Variants in ZCCHC7 observed in about 807,000 individuals in gnomAD.
ZCCHC7 encodes the protein zinc finger CCHC domain-containing protein 7.
Under a neutral mutation model 52.0 loss-of-function variants are expected in ZCCHC7, and 35 were observed. The observed-to-expected ratio is 0.67, with a 90% CI of 0.51 to 0.89. ZCCHC7 has a LOEUF of 0.89. ZCCHC7 is among the 40% of genes least tolerant of loss of function. The probability of loss-of-function intolerance (pLI) is 0.00; values close to 1 mark genes in which losing one functional copy is unlikely to be tolerated. For synonymous variants in ZCCHC7, 217 were observed against 221.5 expected (o/e 0.98, Z 0.18); for missense variants, 574 against 649.1 (o/e 0.88, Z 1.26).
At chr9:37,267,939 G>A (rs377444936) in intron 2 of ZCCHC7, among the ~76,000 whole-genome samples, 5 of 152,036 alleles carry the variant, frequency 3.3e-5, no homozygotes, top group South Asian at 4.1e-4. Flanking sequence ...TCCTGGGCTC[G>A]AGGGATCCTC....
At chr9:37,348,517 C>G (rs1363737036) in intron 6 of ZCCHC7, among the ~76,000 whole-genome samples, 1 of 151,986 alleles carries the variant, frequency 6.6e-6, no homozygotes, top group Non-Finnish European at 1.5e-5. Flanking sequence ...GTAGCTGGGA[C>G]TACAGGCACA....
chr9:37,332,584 A>G (rs1159427468), intron 6 of ZCCHC7, among the ~76,000 whole-genome samples: 5 of 151,568 alleles, frequency 3.3e-5, no homozygotes, highest in African/African-American at 9.6e-5. Context: ...TTTAGTAGGA[A>G]TGATAATTAC....
intron 2 of ZCCHC7, among the ~76,000 whole-genome samples, chr9:37,152,236 TTTTTG>T (rs1335941709): frequency 2.8e-4 from 1 of 3,630 alleles, no homozygotes; most frequent in Non-Finnish European, 1.2e-3. Context: ...TGTTTGCTGT[TTTTTG>T]TTTTTTTTTT....
At chr9:37,220,436 G>C (rs1048229138) in intron 2 of ZCCHC7, among the ~76,000 whole-genome samples, 2 of 152,258 alleles carry the variant, frequency 1.3e-5, no homozygotes, top group East Asian at 3.9e-4. Flanking sequence ...CAGCTACTTG[G>C]GAGGCTGAGG....
chr9:37,338,113 T>G (rs1159323894), intron 6 of ZCCHC7, among the ~76,000 whole-genome samples: 1 of 152,314 alleles, frequency 6.6e-6, no homozygotes, highest in African/African-American at 2.4e-5. Context: ...TGATCCTTAC[T>G]GTGTTGCGTG....
chr9:37,206,389 C>T (rs1823917267), intron 2 of ZCCHC7, among the ~76,000 whole-genome samples: 1 of 151,580 alleles, frequency 6.6e-6, no homozygotes, highest in East Asian at 1.9e-4. Context: ...GCAGGGTCTC[C>T]CTCTGTTGCC....
chr9:37,133,995 A>G (rs1389818640), intron 2 of ZCCHC7, among the ~76,000 whole-genome samples: 1 of 152,194 alleles, frequency 6.6e-6, no homozygotes. Flanking sequence ...AAGTGGTAGG[A>G]TTACAGGTGT....
intron 2 of ZCCHC7, among the ~76,000 whole-genome samples, chr9:37,194,598 G>A (rs959488278): frequency 4.6e-5 from 7 of 152,178 alleles, no homozygotes; most frequent in Non-Finnish European, 2.9e-5. Flanking sequence ...CTTAAGTGAT[G>A]TATTGATGAT....
At chr9:37,343,453 CT>C (rs1347457546) in intron 6 of ZCCHC7, among the ~76,000 whole-genome samples, 1 of 152,170 alleles carries the variant, frequency 6.6e-6, no homozygotes, top group Non-Finnish European at 1.5e-5. Flanking sequence ...GCTCTTTCAT[CT>C]ATTATCTCCG....
chr9:37,352,511 C>CTTTTTTTTTTTT lies in ZCCHC7; in HGVS notation c.1084-2186_1084-2175dup, dbSNP rs869266535. ...TACCTTTGCATAATCACAATTTGCT[C>CTTTTTTTTTTTT]TTTTTTTTTTTTTTTTTTTTTTTTG... On this transcript the variant is annotated intron_variant, in intron 7 of 8. Transcript: ENST00000336755. 7.0e-4 allele frequency among the ~76,000 whole-genome samples: 57 copies of CTTTTTTTTTTTT among 81,574 alleles called. 9 individuals carry two copies. Among genetic ancestry groups the CTTTTTTTTTTTT allele is most frequent in the African/African-American group, 3.1e-3 (55 of 17,968 alleles). 53.5% of individuals were successfully genotyped at this position (81,574 alleles called of 152,430 possible). A position where few individuals can be genotyped will look rare whatever the true frequency, so the allele number is the denominator to read the frequency against.
At chr9:37,155,171 T>C (rs1433097793) in intron 2 of ZCCHC7, among the ~76,000 whole-genome samples, 4 of 152,016 alleles carry the variant, frequency 2.6e-5, no homozygotes, top group Non-Finnish European at 4.4e-5. Context: ...CCATCCTGGC[T>C]AACACAGTGA....
At chr9:37,269,753 A>G (rs1324125815) in intron 2 of ZCCHC7, among the ~76,000 whole-genome samples, 2 of 152,118 alleles carry the variant, frequency 1.3e-5, no homozygotes, top group East Asian at 3.8e-4. Flanking sequence ...TAAAATCAAC[A>G]GAACTTGGTA....
chr9:37,270,133 T>C (rs906606736), intron 2 of ZCCHC7, among the ~76,000 whole-genome samples: 4 of 152,240 alleles, frequency 2.6e-5, no homozygotes, highest in African/African-American at 4.8e-5. Context: ...ATATTTTAGC[T>C]ATATTGTGCT....
At chr9:37,314,751 A>T (rs917998425) in intron 5 of ZCCHC7, among the ~76,000 whole-genome samples, 11 of 49,898 alleles carry the variant, frequency 2.2e-4, no homozygotes, top group South Asian at 1.1e-3. Context: ...ATCTCTTTTA[A>T]AAAAAAAAAA....
chr9:37,347,650 C>T lies in ZCCHC7; in HGVS notation c.988-1707C>T, dbSNP rs145700539. ...CCTGGCTTTAAAGAAAAAAAAAATCCGGGTTAAGTTCACAGATCCTGGCTT... is the reference window on the plus strand; with the variant it reads ...CCTGGCTTTAAAGAAAAAAAAAATCTGGGTTAAGTTCACAGATCCTGGCTT... On this transcript the variant is annotated intron_variant, in intron 6 of 8. Coordinates refer to ENST00000336755, the MANE Select transcript of ZCCHC7 (RefSeq NM_032226.3). Among the ~76,000 whole-genome samples the T allele has an allele frequency of 1.2e-3, 180 of 152,204 alleles. 2 individuals are homozygous for T. In the East Asian group the frequency reaches 0.022, roughly 19 times the overall value.
At chr9:37,271,203 A>C (rs1827393857) in intron 2 of ZCCHC7, among the ~76,000 whole-genome samples, 1 of 152,234 alleles carries the variant, frequency 6.6e-6, no homozygotes, top group Admixed American at 6.5e-5. Context: ...AAAATGATCT[A>C]ATCTACATAT....
At chr9:37,337,137 T>C (rs2118395559) in intron 6 of ZCCHC7, among the ~76,000 whole-genome samples, 1 of 152,270 alleles carries the variant, frequency 6.6e-6, no homozygotes, top group South Asian at 2.1e-4. Flanking sequence ...CTAAAAGTGA[T>C]TCCTTCTTCT....
At chr9:37,151,058 G>A (rs1008239466) in intron 2 of ZCCHC7, among the ~76,000 whole-genome samples, 6 of 149,108 alleles carry the variant, frequency 4.0e-5, no homozygotes, top group African/African-American at 1.2e-4. Context: ...TCCGCCTCCC[G>A]GGTTTACGCC....
chr9:37,279,316 G>GT (rs759656114), intron 2 of ZCCHC7, among the ~76,000 whole-genome samples: 3 of 151,494 alleles, frequency 2.0e-5, no homozygotes, highest in East Asian at 3.9e-4. Context: ...TTGGTGACAA[G>GT]TTTTTTACAT....
Sources: gnomAD v4.1 joint callset for allele counts (sites outside exome capture counted in the v4.1 genomes callset) on GRCh38, gnomAD v4.1.1 for gene constraint, MANE v1.5 for transcripts, NCBI Gene and HGNC (gene_info 2026-07-23, HGNC 2026-07-21) for gene names.